UNC13C: variants seen among roughly 807,000 people sequenced by gnomAD.
The protein encoded by UNC13C is unc-13 homolog C.
UNC13C carries 174 observed loss-of-function variants against 245.4 expected under a neutral mutation model. The ratio of observed to expected loss-of-function variants is 0.71; its 90% CI spans 0.63 to 0.80. The LOEUF is 0.80. Ranked by LOEUF, UNC13C falls within the 30% of genes least tolerant of loss-of-function variation. The pLI is 0.00. For synonymous variants in UNC13C, 992 were observed against 895.1 expected (o/e 1.11, Z -1.93); for missense variants, 2,829 against 2,602.9 (o/e 1.09, Z -1.89).
chr15:53,870,371 C>G, the UNC13C span, among the ~76,000 whole-genome samples: 8 of 152,242 alleles, frequency 5.3e-5, no homozygotes, highest in African/African-American at 1.9e-4. Flanking sequence ...CTCACCTTCT[C>G]TGTACTAAAA....
the UNC13C span, among the ~76,000 whole-genome samples, chr15:53,861,126 C>T: frequency 6.6e-6 from 1 of 152,088 alleles, no homozygotes; most frequent in Non-Finnish European, 1.5e-5. Flanking sequence ...CTCTTTATTT[C>T]ATATTATTTG....
the UNC13C span, among the ~76,000 whole-genome samples, chr15:53,889,183 G>A: frequency 2.6e-4 from 40 of 152,276 alleles, 1 homozygote; most frequent in African/African-American, 8.7e-4. Flanking sequence ...CTATCTATGA[G>A]CATGGAATGT....
At chr15:54,263,037 T>A (rs962258143) in intron 8 of UNC13C, among the ~76,000 whole-genome samples, 1 of 152,184 alleles carries the variant, frequency 6.6e-6, no homozygotes, top group African/African-American at 2.4e-5. Context: ...TGCTTGCCTA[T>A]AAATTATCCC....
chr15:54,365,087 A>C (rs188107022), intron 17 of UNC13C, among the ~76,000 whole-genome samples: 197 of 151,582 alleles, frequency 1.3e-3, no homozygotes, highest in Non-Finnish European at 2.1e-3. Flanking sequence ...GAGAGAAAGA[A>C]CTCCCCGTCA....
chr15:54,143,692 C>T lies in UNC13C; in HGVS notation c.3071+8C>T, dbSNP rs2032130217. ...ACTCCAGGTGTGTGGTGGGTAAGTA[C>T]CTTCATACCTTTCTAATTTATTCCA... On this transcript the variant is annotated splice_region_variant and intron_variant, in intron 4 of 32. Transcript: ENST00000260323. 1 of 1,608,846 alleles carries T rather than the reference C, an allele frequency of 6.2e-7. No individual in the cohort carries two copies. Among genetic ancestry groups the T allele is most frequent in the Non-Finnish European group, 8.5e-7 (1 of 1,175,742 alleles).
At chr15:54,388,223 T>C (rs1157535874) in intron 17 of UNC13C, among the ~76,000 whole-genome samples, 1 of 152,190 alleles carries the variant, frequency 6.6e-6, no homozygotes, top group African/African-American at 2.4e-5. Context: ...GACCAAAATA[T>C]ATATTTGTTC....
the UNC13C span, among the ~76,000 whole-genome samples, chr15:53,869,853 C>T: frequency 1.3e-5 from 2 of 152,186 alleles, no homozygotes; most frequent in Non-Finnish European, 2.9e-5. Context: ...AATTATGCAC[C>T]AGCAGTTGAT....
chr15:54,095,044 A>G (rs1486401976), intron 2 of UNC13C, among the ~76,000 whole-genome samples: 1 of 152,204 alleles, frequency 6.6e-6, no homozygotes, highest in Non-Finnish European at 1.5e-5. Flanking sequence ...ATTCTCACAC[A>G]GGTATGGTCC....
At chr15:54,068,106 C>T (rs973554274) in intron 2 of UNC13C, among the ~76,000 whole-genome samples, 3 of 152,112 alleles carry the variant, frequency 2.0e-5, no homozygotes, top group African/African-American at 7.2e-5. Flanking sequence ...TCAGGAGGGC[C>T]TTTTGGGAGC....
intron 19 of UNC13C, among the ~76,000 whole-genome samples, chr15:54,424,186 T>C (rs2040709938): frequency 1.3e-5 from 2 of 151,716 alleles, no homozygotes; most frequent in Admixed American, 6.6e-5. Flanking sequence ...TGCATGTAGA[T>C]ATGTAGATAT....
At chr15:54,623,722 A>G in intron 31 of UNC13C, 73 bp from the exon 32 acceptor site, 1 of 1,436,170 alleles carries the variant, frequency 7.0e-7, no homozygotes. Flanking sequence ...TTGGCTTCAT[A>G]AATCACTTTT....
At chr15:54,329,207 A>C (rs2458087) in intron 14 of UNC13C, among the ~76,000 whole-genome samples, 1 of 151,432 alleles carries the variant, frequency 6.6e-6, no homozygotes, top group African/African-American at 2.4e-5. Flanking sequence ...TGATACATGC[A>C]TACAATATGT....
intron 7 of UNC13C, among the ~76,000 whole-genome samples, chr15:54,240,099 T>C (rs573664445): frequency 3.2e-4 from 48 of 152,316 alleles, no homozygotes; most frequent in Admixed American, 9.8e-4. Context: ...AATTAGCTAT[T>C]GATCTGCTTT....
At chr15:54,286,142 A>T (rs2037143582) in intron 10 of UNC13C, among the ~76,000 whole-genome samples, 1 of 152,108 alleles carries the variant, frequency 6.6e-6, no homozygotes, top group Admixed American at 6.5e-5. Flanking sequence ...CAGCCTCCCA[A>T]AGTGCTAGGA....
chr15:54,444,948 A>G (rs1890724831), intron 19 of UNC13C, among the ~76,000 whole-genome samples: 1 of 147,570 alleles, frequency 6.8e-6, no homozygotes, highest in Non-Finnish European at 1.5e-5. Flanking sequence ...TATATCTCCT[A>G]ATGCTATCCC....
At chr15:54,349,126 A>G (rs1188686876) in intron 17 of UNC13C, among the ~76,000 whole-genome samples, 3 of 148,436 alleles carry the variant, frequency 2.0e-5, no homozygotes, top group Non-Finnish European at 4.5e-5. Flanking sequence ...TTATAAATAT[A>G]TAAAATATCA....
chr15:54,458,342 A>G (rs1344826982), intron 19 of UNC13C, among the ~76,000 whole-genome samples: 1 of 152,106 alleles, frequency 6.6e-6, no homozygotes, highest in African/African-American at 2.4e-5. Flanking sequence ...TGTGCTGATG[A>G]AAAGAATGTA....
chr15:54,506,180 T>C (rs566116221), intron 22 of UNC13C, among the ~76,000 whole-genome samples: 2 of 152,318 alleles, frequency 1.3e-5, no homozygotes, highest in Non-Finnish European at 2.9e-5. Flanking sequence ...CAAGTTACAA[T>C]GTCTGAGTTA....
intron 30 of UNC13C, among the ~76,000 whole-genome samples, chr15:54,617,359 G>A (rs1199892420): frequency 6.6e-6 from 1 of 152,036 alleles, no homozygotes; most frequent in Non-Finnish European, 1.5e-5. Context: ...AGAAAAAAGT[G>A]GAGGGGCAGG....
Sources: allele counts gnomAD v4.1 joint callset (sites outside exome capture counted in the v4.1 genomes callset), GRCh38; gene constraint gnomAD v4.1.1; transcripts MANE v1.5; gene names NCBI Gene and HGNC (gene_info 2026-07-23, HGNC 2026-07-21).